LAMA5: variants seen among roughly 807,000 people sequenced by gnomAD.
The protein encoded by LAMA5 is laminin subunit alpha 5.
LAMA5 carries 260 observed loss-of-function variants against 433.4 expected under a neutral mutation model. That is an observed-to-expected ratio of 0.60 (90% CI 0.54 to 0.66). LAMA5 has a LOEUF of 0.66. Among genes scored for constraint, LAMA5 ranks in the 30% least tolerant of loss-of-function variants. The pLI, the probability that LAMA5 is intolerant of heterozygous loss-of-function variation, is 0.00. For missense variants in LAMA5, 5,378 were observed against 5,258.5 expected (o/e 1.02, Z -0.70); for synonymous variants, 2,620 against 2,226.6 (o/e 1.18, Z -4.97).
intron 17 of LAMA5, 107 bp from the exon 18 acceptor site, chr20:62,336,552 A>G (rs1431361493): frequency 5.2e-6 from 6 of 1,160,578 alleles, no homozygotes; most frequent in Middle Eastern, 2.0e-4. Flanking sequence ...GAGGGCCCTC[A>G]CCTGTGACTC....
In LAMA5 at chr20:62,359,713, C is replaced by T. The variant is rs943142530; in HGVS notation, c.450+2687G>A. The stretch of plus-strand genomic sequence containing the variant: ...CACCCTTGGAGAGAGAACCCCTCCA[C>T]GGCTGGGCGCAGCGGGACCCAGGCC... On this transcript the variant is annotated intron_variant, in intron 2 of 79. Transcript: ENST00000252999. The surrounding 1 kb of genome is among the most constrained non-coding windows in gnomAD (Gnocchi z 4.3). Among the ~76,000 whole-genome samples, 16 of 151,988 alleles carry T rather than the reference C, an allele frequency of 1.1e-4. No homozygotes were observed. The highest frequency in any genetic ancestry group is 3.9e-4 in the Admixed American group (6 of 15,274).
Position 62,324,323 on chromosome 20 carries a change from G to T in LAMA5, c.5643+118C>A. 1 of 1,449,378 alleles carries T rather than the reference G, an allele frequency of 6.9e-7. No homozygotes were observed. The highest frequency in any genetic ancestry group is 2.4e-5 in the East Asian group (1 of 41,624). The allele number at this position is 1,449,378 out of a possible 1,614,324, so 89.8% of individuals were successfully genotyped here. ...CCCAAGGCCAGATGGTCCCCCACTG[G>T]GCAACACCCTTCCCCAGACCTCAGT... On this transcript the variant is annotated intron_variant, in intron 42 of 79. Coordinates refer to ENST00000252999, the MANE Select transcript of LAMA5 (RefSeq NM_005560.6). This position sits in a 1 kb window ranked among gnomAD's most constrained non-coding sequence, Gnocchi z 4.4.
chr20:62,313,502 C>A, intron 63 of LAMA5, 42 bp from the exon 64 acceptor site: 1 of 1,566,792 alleles, frequency 6.4e-7, no homozygotes. Flanking sequence ...GCCTGAGGCG[C>A]CTCCCCTCCA....
intron 40 of LAMA5, among the ~76,000 whole-genome samples, chr20:62,326,273 G>A (rs1979280359): frequency 6.6e-6 from 1 of 151,952 alleles, no homozygotes; most frequent in Non-Finnish European, 1.5e-5. Flanking sequence ...AGCTGTGAGA[G>A]GGGAGAAGAC....
Position 62,337,839 on chromosome 20 carries a change from C to T in LAMA5, c.1991G>A (p.Cys664Tyr). The T allele has an allele frequency of 6.2e-7, 1 of 1,612,774 alleles. No homozygotes were observed. The change falls in exon 15 of 80, where the codon TGC (cysteine) becomes TAC (tyrosine). Residue 664 changes from cysteine (C) to tyrosine (Y), a missense_variant. Coordinates refer to ENST00000252999, the MANE Select transcript of LAMA5 (RefSeq NM_005560.6). Reference sequence around the variant, plus strand: ...GGGGAAGCCGTGAAAGCCGGGGCTGCATTCCTGGCAGGCAGTGCCTGTGTA... The same window carrying T: ...GGGGAAGCCGTGAAAGCCGGGGCTGTATTCCTGGCAGGCAGTGCCTGTGTA... ...PGYTGTACQE[C>Y]SPGFHGFPSC... is the part of the protein sequence containing the mutation.
chr20:62,314,713 T>C lies in LAMA5; in HGVS notation c.8209A>G (p.Met2737Val), dbSNP rs201506602. 3 of 1,612,674 alleles carry C rather than the reference T, an allele frequency of 1.9e-6. No individual in the cohort carries two copies. The highest frequency in any genetic ancestry group is 1.3e-5 in the African/African-American group (1 of 75,022). ...ACCCCTGAGCGCCCGTTGAACTTCATGGGCACCTTGACCTGCGGGGCACGG... is the reference window on the plus strand; with the variant it reads ...ACCCCTGAGCGCCCGTTGAACTTCACGGGCACCTTGACCTGCGGGGCACGG... ...RGAASKVKVPMKFNGRSGVQL... is the reference protein window; with the variant it reads ...RGAASKVKVPVKFNGRSGVQL... Residue 2737 changes from methionine (M) to valine (V), a missense_variant, in exon 61 of 80, where the codon ATG becomes GTG. Met to Val is a conservative substitution (Grantham distance 21, BLOSUM62 1). Transcript: ENST00000252999.
At chr20:62,339,818 G>A (rs1197048044) in intron 11 of LAMA5, among the ~76,000 whole-genome samples, 3 of 152,188 alleles carry the variant, frequency 2.0e-5, no homozygotes, top group African/African-American at 7.2e-5. Context: ...AAGGAGAAAT[G>A]ATACAAGGGC....
intron 11 of LAMA5, among the ~76,000 whole-genome samples, 171 bp from the exon 12 acceptor site, chr20:62,338,779 C>T (rs1320152751): frequency 6.6e-6 from 1 of 152,172 alleles, no homozygotes; most frequent in Non-Finnish European, 1.5e-5. Context: ...TGGCTCACGC[C>T]TGTAATCCCA....
At position 62,323,437 on chromosome 20, in the gene LAMA5, C is replaced by G; in HGVS notation, c.6064+19G>C. On this transcript the variant is annotated intron_variant, in intron 45 of 79. Transcript: ENST00000252999. ...GCGCAACCCTCCCCAGGGTGCATCC[C>G]TCCCAGCCCGACGCCTACGGGTGCA... The G allele has an allele frequency of 1.3e-6, 2 of 1,524,826 alleles. No homozygotes were observed. The highest frequency in any genetic ancestry group is 1.8e-6 in the Non-Finnish European group (2 of 1,136,986). The allele number at this position is 1,524,826 out of a possible 1,614,324, so 94.5% of individuals were successfully genotyped here.
At chr20:62,335,774 TC>T (rs1305981656) in intron 18 of LAMA5, among the ~76,000 whole-genome samples, 6 of 124,872 alleles carry the variant, frequency 4.8e-5, no homozygotes, top group African/African-American at 1.9e-4. Flanking sequence ...CAGGGCACAC[TC>T]ATGGACTCCA....
In LAMA5 at chr20:62,328,927, C is replaced by T; in HGVS notation, c.4364G>A (p.Gly1455Asp). 2 of 1,611,450 alleles carry T rather than the reference C, an allele frequency of 1.2e-6. No homozygotes were observed. Among genetic ancestry groups the T allele is most frequent in the Non-Finnish European group, 1.7e-6 (2 of 1,179,034 alleles). The change falls in exon 34 of 80, where the codon GGC (glycine) becomes GAC (aspartate). Residue 1455 changes from glycine (G) to aspartate (D), a missense_variant. Transcript: ENST00000252999. ...GACATGGGCATGGCAGGGACACTGGCCCCCGAAGGGCTCACACGTGGGGCC... is the reference window on the plus strand; with the variant it reads ...GACATGGGCATGGCAGGGACACTGGTCCCCGAAGGGCTCACACGTGGGGCC... ...ATGPTCEPFG[G>D]QCPCHAHVIG...
At position 62,312,669 on chromosome 20, in the gene LAMA5, A is replaced by G. The variant is rs754517423; in HGVS notation, c.9190T>C (p.Tyr3064His). The G allele has an allele frequency of 8.7e-6, 14 of 1,607,670 alleles. No homozygotes were observed. Among genetic ancestry groups the G allele is most frequent in the Middle Eastern group, 1.6e-4 (1 of 6,078 alleles). ...DNDLELADAY[Y>H]LGGVPPDQLP... ...TGGTCGGGCGGCACGCCCCCCAGGT[A>G]GTAGGCGTCGGCCAGCTCCAGATCA... The change falls in exon 67 of 80, where the codon TAC (tyrosine) becomes CAC (histidine). Residue 3064 changes from tyrosine (Y) to histidine (H), a missense_variant. By Grantham distance (83) the Tyr-to-His change is moderately conservative (BLOSUM62 2). Coordinates refer to ENST00000252999, the MANE Select transcript of LAMA5 (RefSeq NM_005560.6).
intron 1 of LAMA5, among the ~76,000 whole-genome samples, chr20:62,365,556 G>A (rs909011146): frequency 6.6e-6 from 1 of 152,190 alleles, no homozygotes; most frequent in Non-Finnish European, 1.5e-5. Flanking sequence ...CTGCCAGAAC[G>A]GCAAAATCTC....
In LAMA5 at chr20:62,330,579, C is replaced by T. The variant is rs1203128803; in HGVS notation, c.3888G>A (p.Leu1296=). Reference sequence around the variant, plus strand: ...CGTGCAGCAGGAAGGCATAGCGGCCCAGCGTGGGCACATGGGTGGTGAAGA... The same window carrying T: ...CGTGCAGCAGGAAGGCATAGCGGCCTAGCGTGGGCACATGGGTGGTGAAGA... ...TVVFTTHVPT[L]GRYAFLLHGY... Residue 1296 remains leucine (L), a synonymous_variant, in exon 31 of 80, where the codon CTG becomes CTA. Transcript: ENST00000252999. The T allele has an allele frequency of 6.3e-7, 1 of 1,593,140 alleles. No homozygotes were observed. Among genetic ancestry groups the T allele is most frequent in the Non-Finnish European group, 8.5e-7 (1 of 1,171,634 alleles).
chr20:62,364,246 C>T (rs1196671743), intron 1 of LAMA5, among the ~76,000 whole-genome samples: 1 of 152,220 alleles, frequency 6.6e-6, no homozygotes, highest in African/African-American at 2.4e-5. Flanking sequence ...ACAGGTCCTG[C>T]TCAGGGTGGG....
chr20:62,330,246 G>A (rs1024653775), intron 31 of LAMA5, among the ~76,000 whole-genome samples: 5 of 152,268 alleles, frequency 3.3e-5, no homozygotes, highest in Non-Finnish European at 7.3e-5. Context: ...AATTCGCCAC[G>A]TGCCATGGAG....
rs369953075 is a variant in LAMA5 at position 62,312,489 on chromosome 20, C to A, written c.9271G>T (p.Val3091Phe). The A allele has an allele frequency of 1.3e-6, 2 of 1,598,472 alleles. No homozygotes were observed. Among genetic ancestry groups the A allele is most frequent in the African/African-American group, 1.3e-5 (1 of 74,908 alleles). Residue 3091 changes from valine (V) to phenylalanine (F), a missense_variant, in exon 68 of 80, where the codon GTC (valine) becomes TTC (phenylalanine). Transcript: ENST00000252999. ...TTGCCCAGGGCCTTGATGCCTTTGACGCAGCCACGGACTGAGCCTCCGGTG... is the reference window on the plus strand; with the variant it reads ...TTGCCCAGGGCCTTGATGCCTTTGAAGCAGCCACGGACTGAGCCTCCGGTG... ...FPTGGSVRGC[V>F]KGIKALGKYV...
chr20:62,314,463 G>GTCGGGA (rs767052219), intron 61 of LAMA5, 23 bp from the exon 62 acceptor site: 1 of 1,612,724 alleles, frequency 6.2e-7, no homozygotes, highest in Non-Finnish European at 8.5e-7. Context: ...CAGACACACA[G>GTCGGGA]TCGGGATGGG....
chr20:62,324,152 A>G lies in LAMA5; in HGVS notation c.5696T>C (p.Phe1899Ser). Reference protein sequence around the residue: ...GAHCERCQAGFVSSRDDPSAP... With the variant: ...GAHCERCQAGSVSSRDDPSAP... ...GCTGGGGTCGTCCCTGCTGCTCACG[A>G]AGCCAGCCTGGCAGCGCTCACAGTG... The change falls in exon 43 of 80, where the codon TTC becomes TCC. Residue 1899 changes from phenylalanine (F) to serine (S), a missense_variant. Coordinates refer to ENST00000252999, the MANE Select transcript of LAMA5 (RefSeq NM_005560.6). This position sits in a 1 kb window ranked among gnomAD's most constrained non-coding sequence, Gnocchi z 4.4. 6.4e-7 allele frequency: 1 copy of G among 1,555,170 alleles called. No homozygotes were observed.
Sources: gnomAD v4.1 joint callset for allele counts (sites outside exome capture counted in the v4.1 genomes callset) on GRCh38, gnomAD v4.1.1 for gene constraint, Gnocchi (gnomAD v3.1) non-coding constraint, MANE v1.5 for transcripts, NCBI Gene and HGNC (gene_info 2026-07-23, HGNC 2026-07-21) for gene names.